DACH2: variants seen among roughly 807,000 people sequenced by gnomAD.
DACH2 encodes the protein dachshund homolog 2.
In DACH2, 17 loss-of-function variants were observed where a neutral mutation model predicts 35.8. That is an observed-to-expected ratio of 0.48 (90% confidence interval 0.33 to 0.71). The LOEUF (loss-of-function observed/expected upper bound fraction) is 0.71, where lower values mean the gene tolerates loss of function less well. Ranked by LOEUF, DACH2 falls within the 30% of genes least tolerant of loss-of-function variation. The pLI is 0.02. For synonymous variants in DACH2, 195 were observed against 177.3 expected (o/e 1.10, Z -0.79); for missense variants, 469 against 472.7 (o/e 0.99, Z 0.07).
intron 1 of DACH2, among the ~76,000 whole-genome samples, chrX:86,291,307 G>A (rs1182061656): frequency 4.2e-5 from 4 of 96,282 alleles, no homozygotes; most frequent in African/African-American, 8.0e-5. Flanking sequence ...TTGCTTATCA[G>A]CTTAAGGAGA....
intron 2 of DACH2, among the ~76,000 whole-genome samples, chrX:86,496,166 A>G (rs180817764): frequency 8.9e-6 from 1 of 111,825 alleles, no homozygotes; most frequent in East Asian, 2.8e-4. Context: ...TTTAAAATGA[A>G]AAACAATTTG....
intron 7 of DACH2, among the ~76,000 whole-genome samples, chrX:86,799,783 G>GT (rs2042274088): frequency 2.7e-5 from 3 of 111,930 alleles, no homozygotes; most frequent in African/African-American, 9.7e-5. Flanking sequence ...GGTAAATCCT[G>GT]GAATCAATGT....
In DACH2 at chrX:86,478,145, T is replaced by C. The variant is rs182409907; in HGVS notation, c.528-36134T>C. Among the ~76,000 whole-genome samples, 3 of 112,060 alleles carry C rather than the reference T, an allele frequency of 2.7e-5. No homozygotes were observed. In the East Asian group the frequency reaches 8.4e-4, roughly 31 times the overall value. The stretch of plus-strand genomic sequence containing the variant: ...CTTAAGAGTAGTTAACATACCACAA[T>C]TACAGTTTTGTATAATATTCTGTAT... On this transcript the variant is annotated intron_variant, in intron 2 of 11. Transcript: ENST00000373125.
chrX:86,733,502 A>AT (rs2041556306), intron 6 of DACH2, among the ~76,000 whole-genome samples: 2 of 111,732 alleles, frequency 1.8e-5, no homozygotes, highest in Non-Finnish European at 3.8e-5. Flanking sequence ...TAGGCTTGCA[A>AT]GACTATTAAT....
chrX:86,363,138 A>G lies in DACH2; in HGVS notation c.489-13686A>G, dbSNP rs773733635. ...CTCCTATTTAGTAGTATTTTTCCTT[A>G]GTAAAAATTTTCCAGTTACACATGT... On this transcript the variant is annotated intron_variant, in intron 1 of 11. Transcript: ENST00000373125. Among the ~76,000 whole-genome samples the G allele has an allele frequency of 9.0e-5, 10 of 111,498 alleles. No individual in the cohort carries two copies. The East Asian group carries it at 2.5e-3, about 28-fold the overall frequency.
intron 1 of DACH2, among the ~76,000 whole-genome samples, chrX:86,291,659 C>T (rs1170911677): frequency 3.8e-5 from 4 of 106,445 alleles, no homozygotes; most frequent in Non-Finnish European, 7.7e-5. Context: ...TGTCAAAGGC[C>T]TTTTCTGCAT....
At chrX:86,234,162 A>G (rs930627248) in intron 1 of DACH2, among the ~76,000 whole-genome samples, 4 of 112,188 alleles carry the variant, frequency 3.6e-5, no homozygotes, top group Non-Finnish European at 7.5e-5. Flanking sequence ...TGCACTTTGA[A>G]TGAAGAGGAT....
intron 2 of DACH2, among the ~76,000 whole-genome samples, chrX:86,398,500 C>A (rs910332416): frequency 1.8e-5 from 2 of 111,990 alleles, no homozygotes; most frequent in African/African-American, 6.5e-5. Context: ...AATTTTAGAT[C>A]TTTCCTGCTT....
intron 1 of DACH2, among the ~76,000 whole-genome samples, chrX:86,257,583 G>A (rs2033545819): frequency 9.0e-6 from 1 of 111,258 alleles, no homozygotes; most frequent in Non-Finnish European, 1.9e-5. Context: ...AATTTTTTGT[G>A]CTTTTGTAGA....
At chrX:86,300,061 A>C (rs2034545196) in intron 1 of DACH2, among the ~76,000 whole-genome samples, 1 of 111,110 alleles carries the variant, frequency 9.0e-6, no homozygotes, top group Non-Finnish European at 1.9e-5. Flanking sequence ...CCTCTGTTTC[A>C]GTTGTTTTGA....
chrX:86,534,905 AAT>A (rs1267901501), intron 3 of DACH2, among the ~76,000 whole-genome samples: 2 of 111,697 alleles, frequency 1.8e-5, no homozygotes, highest in Admixed American at 9.6e-5. Context: ...ATTTTTTCAA[AAT>A]AGTCTTTAAA....
intron 3 of DACH2, among the ~76,000 whole-genome samples, chrX:86,529,665 G>C (rs1458972062): frequency 9.3e-6 from 1 of 107,345 alleles, no homozygotes; most frequent in Non-Finnish European, 1.9e-5. Context: ...GTAGAGACAG[G>C]GTTTCACCGT....
intron 3 of DACH2, among the ~76,000 whole-genome samples, chrX:86,638,748 G>T (rs755678553): frequency 5.7e-4 from 63 of 111,200 alleles, no homozygotes; most frequent in Admixed American, 8.6e-4. Context: ...TTTTAAAAAG[G>T]AAAAAAAGAT....
chrX:86,469,228 C>G (rs761836737), intron 2 of DACH2, among the ~76,000 whole-genome samples: 1 of 110,430 alleles, frequency 9.1e-6, no homozygotes, highest in Non-Finnish European at 1.9e-5. Context: ...AGATGTTGGA[C>G]AAAGGACACA....
intron 1 of DACH2, among the ~76,000 whole-genome samples, chrX:86,258,060 C>T (rs1302584691): frequency 1.8e-5 from 2 of 111,849 alleles, no homozygotes; most frequent in Non-Finnish European, 3.8e-5. Flanking sequence ...TTAGGACAAT[C>T]AGGCAAGAGA....
At chrX:86,421,998 C>A (rs1198618347) in intron 2 of DACH2, among the ~76,000 whole-genome samples, 3 of 110,820 alleles carry the variant, frequency 2.7e-5, no homozygotes, top group African/African-American at 9.8e-5. Context: ...GGCAATGGGC[C>A]AGAATACAGC....
At position 86,397,685 on chromosome X, in the gene DACH2, G is replaced by T. The variant is rs1009139072; in HGVS notation, c.527+20823G>T. Among the ~76,000 whole-genome samples the T allele has an allele frequency of 3.6e-5, 4 of 111,817 alleles. 1 individual carries two copies. The highest frequency in any genetic ancestry group is 9.5e-5 in the Admixed American group (1 of 10,541). On this transcript the variant is annotated intron_variant, in intron 2 of 11. Coordinates refer to ENST00000373125, the MANE Select transcript of DACH2 (RefSeq NM_053281.3). ...TGTCTTTGGTTCTGTTTATATGCTG[G>T]ATTACATTTATTGATTTTCCTATGT...
chrX:86,537,219 G>A (rs555547796), intron 3 of DACH2, among the ~76,000 whole-genome samples: 7 of 111,656 alleles, frequency 6.3e-5, no homozygotes, highest in African/African-American at 9.8e-5. Context: ...CTATGGCTGC[G>A]TGGCTTAAGA....
rs188227483 is a variant in DACH2 at position 86,435,826 on chromosome X, T to A, written c.527+58964T>A. On this transcript the variant is annotated intron_variant, in intron 2 of 11. Transcript: ENST00000373125. ...CATTTGTAAGGCAATCCGTCTCCCC[T>A]TTTTACAAATAAATGGCAGTTAGCA... Among the ~76,000 whole-genome samples, 17 of 111,861 alleles carry A rather than the reference T, an allele frequency of 1.5e-4. No individual in the cohort carries two copies. In the East Asian group the frequency reaches 3.7e-3, roughly 24 times the overall value.
Sources: gnomAD v4.1 joint callset for allele counts (sites outside exome capture counted in the v4.1 genomes callset) on GRCh38, gnomAD v4.1.1 for gene constraint, MANE v1.5 for transcripts, NCBI Gene and HGNC (gene_info 2026-07-23, HGNC 2026-07-21) for gene names.